GCA: variants seen among roughly 807,000 people sequenced by gnomAD.
GCA encodes the protein grancalcin, EF-hand calcium-binding protein.
In GCA, 30 loss-of-function variants were observed where a neutral mutation model predicts 32.6. The observed-to-expected ratio is 0.92, with a 90% CI of 0.69 to 1.25. The LOEUF is 1.25. Ranked by LOEUF, GCA falls within the 50% of genes most tolerant of loss-of-function variation. The pLI is 0.00. For synonymous variants in GCA, 102 were observed against 84.6 expected (o/e 1.21, Z -1.13); for missense variants, 291 against 266.8 (o/e 1.09, Z -0.63).
intron 1 of GCA, among the ~76,000 whole-genome samples, chr2:162,322,995 A>C (rs1194155673): frequency 6.6e-6 from 1 of 151,902 alleles, no homozygotes; most frequent in Non-Finnish European, 1.5e-5. Flanking sequence ...TGACTTCCAC[A>C]ATGGTTGAAC....
chr2:162,326,517 T>C (rs1402525926), intron 1 of GCA, among the ~76,000 whole-genome samples: 1 of 152,116 alleles, frequency 6.6e-6, no homozygotes, highest in African/African-American at 2.4e-5. Flanking sequence ...TTCTTTCTTT[T>C]TTCTTTTCTT....
chr2:162,345,247 C>T (rs923124511), intron 1 of GCA, among the ~76,000 whole-genome samples: 3 of 152,026 alleles, frequency 2.0e-5, no homozygotes, highest in Non-Finnish European at 4.4e-5. Context: ...GCCTCAATCC[C>T]CTCTGGCACC....
At chr2:162,327,100 G>T (rs1458000722) in intron 1 of GCA, among the ~76,000 whole-genome samples, 1 of 152,126 alleles carries the variant, frequency 6.6e-6, no homozygotes, top group African/African-American at 2.4e-5. Context: ...GGCAGGAATT[G>T]GTTCTGCCCA....
chr2:162,366,137 A>T (rs1426462358), downstream of GCA, among the ~76,000 whole-genome samples: 1 of 151,796 alleles, frequency 6.6e-6, no homozygotes, highest in Non-Finnish European at 1.5e-5. Flanking sequence ...ACATAAATTA[A>T]TGGAAGTCAC....
intron 1 of GCA, 101 bp downstream of exon 1, chr2:162,344,376 C>G (rs939272241): frequency 8.8e-7 from 1 of 1,133,658 alleles, no homozygotes; most frequent in African/African-American, 1.5e-5. Flanking sequence ...CTGCTCCCTG[C>G]GTCCGCGCCT....
At chr2:162,323,697 T>C (rs1683769405) in intron 1 of GCA, among the ~76,000 whole-genome samples, 1 of 151,906 alleles carries the variant, frequency 6.6e-6, no homozygotes. Context: ...TTTCTCAGGT[T>C]TGTCAAAGAT....
exon 5 of GCA, chr2:162,371,509 G>A (rs1320877632): frequency 2.5e-6 from 3 of 1,200,102 alleles, no homozygotes; most frequent in African/African-American, 3.1e-5. Context: ...TACTGGTTTA[G>A]TAAAAGCAGT....
chr2:162,371,436 G>T, exon 5 of GCA: 1 of 1,288,144 alleles, frequency 7.8e-7, no homozygotes, highest in Non-Finnish European at 1.0e-6. Flanking sequence ...AATTTGAGTT[G>T]CATCCATGAA....
At chr2:162,323,768 ATC>A (rs1683772327) in intron 1 of GCA, among the ~76,000 whole-genome samples, 1 of 151,694 alleles carries the variant, frequency 6.6e-6, no homozygotes, top group Non-Finnish European at 1.5e-5. Context: ...ATTGATCTAT[ATC>A]TCTGTTTTGG....
downstream of GCA, among the ~76,000 whole-genome samples, chr2:162,372,981 A>C (rs7592550): frequency 8.1e-3 from 1,229 of 152,208 alleles, 22 homozygotes; most frequent in African/African-American, 0.028. Flanking sequence ...TACTAGTCTG[A>C]TGGCATTTGA....
At chr2:162,344,114 G>C (rs1361290195), upstream of GCA, 6 of 881,532 alleles carry the variant, frequency 6.8e-6, no homozygotes, top group African/African-American at 9.8e-5. Flanking sequence ...CGGGTTCGGA[G>C]GAGTGAACTG....
chr2:162,373,738 C>CT, downstream of GCA: 1 of 1,012,756 alleles, frequency 9.9e-7, no homozygotes, highest in Non-Finnish European at 1.3e-6. Flanking sequence ...AAAATTTCAG[C>CT]ACTACCAAGA....
chr2:162,371,259 T>TA, intron 4 of GCA: 2 of 1,018,186 alleles, frequency 2.0e-6, no homozygotes, highest in Non-Finnish European at 2.7e-6. Flanking sequence ...TATGGCTTCC[T>TA]ATACTGTCAG....
chr2:162,348,325 T>A (rs571847009), intron 2 of GCA, among the ~76,000 whole-genome samples: 24 of 152,018 alleles, frequency 1.6e-4, no homozygotes, highest in East Asian at 5.8e-4. Flanking sequence ...TCCCATTTTT[T>A]AAAAAAAACT....
chr2:162,357,002 G>C, intron 5 of GCA, 97 bp downstream of exon 5: 1 of 837,004 alleles, frequency 1.2e-6, no homozygotes, highest in Admixed American at 2.6e-5. Flanking sequence ...ATAAAGGGAT[G>C]TATTTTTTTG....
rs1186520872 is a variant in GCA at position 162,361,303 on chromosome 2, CAG to C, written c.*1062_*1063del. 4 of 984,468 alleles carry C rather than the reference CAG, an allele frequency of 4.1e-6. No individual in the cohort carries two copies. Among genetic ancestry groups the C allele is most frequent in the African/African-American group, 3.5e-5 (2 of 57,144 alleles). The allele number at this position is 984,468 out of a possible 1,614,324, so 61.0% of individuals were successfully genotyped here. A position where few individuals can be genotyped will look rare whatever the true frequency, so the allele number is the denominator to read the frequency against. On this transcript the variant is annotated 3_prime_UTR_variant, in exon 8 of 8. Transcript: ENST00000437150. The stretch of plus-strand genomic sequence containing the variant: ...TGCCGAAAATGCGACGTAGAATCAC[CAG>C]ATCTTTAGTGTTTAATATCCCTGGT...
At chr2:162,355,046 A>G (rs966719749) in intron 3 of GCA, among the ~76,000 whole-genome samples, 18 of 152,220 alleles carry the variant, frequency 1.2e-4, no homozygotes, top group African/African-American at 4.1e-4. Context: ...TTGTAAAGCA[A>G]AATAGATATT....
At chr2:162,338,013 C>G (rs1269561964) in intron 1 of GCA, among the ~76,000 whole-genome samples, 1 of 152,080 alleles carries the variant, frequency 6.6e-6, no homozygotes, top group Non-Finnish European at 1.5e-5. Context: ...AAATATTTTG[C>G]AACTGCTTTG....
Position 162,362,000 on chromosome 2 carries a change from G to A in GCA, c.*1757G>A, listed in dbSNP as rs1033574596. ...AGGTAAAACTTTTAAAATGACAAAT[G>A]GTATTATTCATGTAAGCTTCTGCCA... On this transcript the variant is annotated 3_prime_UTR_variant, in exon 8 of 8. Coordinates refer to ENST00000437150, the MANE Select transcript of GCA (RefSeq NM_012198.5). The A allele has an allele frequency of 6.2e-5, 61 of 982,094 alleles. No individual in the cohort carries two copies. Among genetic ancestry groups the A allele is most frequent in the Non-Finnish European group, 7.1e-5 (59 of 827,422 alleles). The allele number at this position is 982,094 out of a possible 1,614,324, so 60.8% of individuals were successfully genotyped here. A position where few individuals can be genotyped will look rare whatever the true frequency, so the allele number is the denominator to read the frequency against.
Sources: gnomAD v4.1 joint callset for allele counts (sites outside exome capture counted in the v4.1 genomes callset) on GRCh38, gnomAD v4.1.1 for gene constraint, MANE v1.5 for transcripts, NCBI Gene and HGNC (gene_info 2026-07-23, HGNC 2026-07-21) for gene names.